Variants in ETV6 observed in about 807,000 individuals in gnomAD.
ETV6 encodes the protein transcription factor ETV6.
In ETV6, 16 loss-of-function variants were observed where a neutral mutation model predicts 51.1. The ratio of observed to expected loss-of-function variants is 0.31; its 90% CI spans 0.21 to 0.48. ETV6 has a LOEUF of 0.48. ETV6 is among the 20% of genes least tolerant of loss of function. The pLI is 0.99. For missense variants in ETV6, 458 were observed against 594.8 expected, an observed-to-expected ratio of 0.77 and a Z score of 2.39; for synonymous variants, 240 against 224.1, an observed-to-expected ratio of 1.07 and a Z score of -0.64.
intron 2 of ETV6, among the ~76,000 whole-genome samples, chr12:11,783,404 G>T (rs370822737): frequency 6.6e-6 from 1 of 152,288 alleles, no homozygotes; most frequent in South Asian, 2.1e-4. Flanking sequence ...TTTCTGTGGC[G>T]GGGAGAGGCA....
chr12:11,734,727 T>TTA (rs1458967270), intron 1 of ETV6, among the ~76,000 whole-genome samples: 5 of 152,158 alleles, frequency 3.3e-5, no homozygotes, highest in Non-Finnish European at 1.5e-5. Context: ...GGTGTTGCTA[T>TTA]TACTCCATTT....
intron 1 of ETV6, among the ~76,000 whole-genome samples, chr12:11,679,157 C>G (rs1439977266): frequency 6.6e-6 from 1 of 152,150 alleles, no homozygotes; most frequent in Non-Finnish European, 1.5e-5. Context: ...AATACAATTT[C>G]TAACACAATC....
intron 7 of ETV6, among the ~76,000 whole-genome samples, chr12:11,890,164 G>A (rs896127208): frequency 2.2e-5 from 3 of 137,064 alleles, no homozygotes; most frequent in African/African-American, 8.3e-5. Flanking sequence ...TTTTCCAGAA[G>A]CTCCACTAAG....
At chr12:11,870,140 T>C (rs1946859064) in intron 5 of ETV6, among the ~76,000 whole-genome samples, 171 bp downstream of exon 5, 1 of 152,072 alleles carries the variant, frequency 6.6e-6, no homozygotes, top group South Asian at 2.1e-4. Flanking sequence ...CCTAATGGCT[T>C]GGTTAATGAG....
intron 2 of ETV6, chr12:11,826,679 A>C (rs1946157999): frequency 6.6e-6 from 1 of 152,176 alleles, no homozygotes; most frequent in East Asian, 1.9e-4. Flanking sequence ...GCTTTCATCC[A>C]AACGAATGAA....
intron 5 of ETV6, among the ~76,000 whole-genome samples, chr12:11,878,258 G>A (rs1947024310): frequency 6.6e-6 from 1 of 152,202 alleles, no homozygotes; most frequent in Admixed American, 6.5e-5. Context: ...AAAAGAGGAG[G>A]AAGTTTCAGG....
chr12:11,857,313 G>T (rs536408254), intron 4 of ETV6, among the ~76,000 whole-genome samples: 1 of 152,170 alleles, frequency 6.6e-6, no homozygotes, highest in Non-Finnish European at 1.5e-5. Context: ...CTAGGAAGTT[G>T]GTGTTAGCTC....
chr12:11,753,445 A>G (rs1240164125), intron 2 of ETV6, among the ~76,000 whole-genome samples: 1 of 152,190 alleles, frequency 6.6e-6, no homozygotes, highest in Non-Finnish European at 1.5e-5. Context: ...AGAAAATGCC[A>G]GCTTCTCTGC....
intron 2 of ETV6, among the ~76,000 whole-genome samples, chr12:11,790,045 C>T (rs1945557298): frequency 6.6e-6 from 1 of 151,144 alleles, no homozygotes; most frequent in African/African-American, 2.4e-5. Context: ...TTTTTCACCT[C>T]TTAATATTTT....
intron 3 of ETV6, among the ~76,000 whole-genome samples, chr12:11,840,077 T>A (rs540847444): frequency 1.3e-5 from 2 of 152,252 alleles, no homozygotes; most frequent in South Asian, 4.2e-4. Context: ...AAGGCCAGTT[T>A]AGAAAGGCTT....
intron 1 of ETV6, among the ~76,000 whole-genome samples, chr12:11,667,022 C>G (rs1170156728): frequency 6.6e-6 from 1 of 152,164 alleles, no homozygotes; most frequent in African/African-American, 2.4e-5. Context: ...ACTTAGGGAG[C>G]AGAAAGCATA....
intron 1 of ETV6, among the ~76,000 whole-genome samples, chr12:11,693,359 T>C (rs999418070): frequency 2.6e-5 from 4 of 152,152 alleles, no homozygotes; most frequent in Non-Finnish European, 4.4e-5. Flanking sequence ...CTCTTCAGTT[T>C]TGGGGTTTGT....
intron 4 of ETV6, among the ~76,000 whole-genome samples, chr12:11,860,796 T>C (rs1352967310): frequency 6.6e-6 from 1 of 152,210 alleles, no homozygotes; most frequent in African/African-American, 2.4e-5. Context: ...CTATTCACAA[T>C]GTTGTGCAGT....
chr12:11,705,987 G>C (rs1321236041), intron 1 of ETV6, among the ~76,000 whole-genome samples: 2 of 136,174 alleles, frequency 1.5e-5, no homozygotes, highest in East Asian at 4.7e-4. Flanking sequence ...CTCCATTTTG[G>C]GGGGGTCACC....
intron 2 of ETV6, among the ~76,000 whole-genome samples, chr12:11,808,054 C>A (rs1450700557): frequency 1.3e-5 from 2 of 152,140 alleles, no homozygotes; most frequent in Non-Finnish European, 2.9e-5. Context: ...ACATAAAATT[C>A]ACTTGAAAAA....
At chr12:11,727,051 A>C (rs1865502466) in intron 1 of ETV6, among the ~76,000 whole-genome samples, 1 of 152,236 alleles carries the variant, frequency 6.6e-6, no homozygotes, top group Non-Finnish European at 1.5e-5. Context: ...AATTCAGAGA[A>C]AGGGCACGCA....
chr12:11,742,092 G>A (rs964154059), intron 1 of ETV6, among the ~76,000 whole-genome samples: 1 of 152,326 alleles, frequency 6.6e-6, no homozygotes, highest in Admixed American at 6.5e-5. Context: ...TTTAATGAAG[G>A]CACAGAATCT....
intron 2 of ETV6, among the ~76,000 whole-genome samples, chr12:11,817,813 G>A (rs1946014745): frequency 6.6e-6 from 1 of 152,152 alleles, no homozygotes; most frequent in South Asian, 2.1e-4. Context: ...CGGGAAAAAA[G>A]ACATATGCAC....
intron 1 of ETV6, among the ~76,000 whole-genome samples, chr12:11,695,061 G>A (rs967472347): frequency 3.3e-5 from 5 of 152,190 alleles, no homozygotes; most frequent in Non-Finnish European, 7.3e-5. Context: ...AGGCCCATGC[G>A]AAACATTTAA....
Sources: gnomAD v4.1 joint callset for allele counts (sites outside exome capture counted in the v4.1 genomes callset) on GRCh38, gnomAD v4.1.1 for gene constraint, MANE v1.5 for transcripts, NCBI Gene and HGNC (gene_info 2026-07-23, HGNC 2026-07-21) for gene names.